KPNB1: variants seen among roughly 807,000 people sequenced by gnomAD.
KPNB1 encodes karyopherin subunit beta 1, also known as importin subunit beta-1.
A neutral mutation model predicts 113.0 loss-of-function variants in KPNB1; 7 were observed. The observed-to-expected ratio is 0.06, with a 90% CI of 0.04 to 0.12. The LOEUF (loss-of-function observed/expected upper bound fraction) is 0.12. KPNB1 is among the 10% of genes least tolerant of loss of function. The pLI, the probability that KPNB1 is intolerant of heterozygous loss-of-function variation, is 1.00. For synonymous variants in KPNB1, 363 were observed against 378.6 expected (o/e 0.96, Z 0.48); for missense variants, 400 against 1,054.8 (o/e 0.38, Z 8.60).
At chr17:47,650,313 G>A in intron 1 of KPNB1, 29 bp downstream of exon 1, 1 of 1,611,050 alleles carries the variant, frequency 6.2e-7, no homozygotes, top group Non-Finnish European at 8.5e-7. Flanking sequence ...GGGTAGGGCT[G>A]AGGTGATTGG....
chr17:47,683,110 A>AAC lies in KPNB1; in HGVS notation c.*707_*708insCA, dbSNP rs1555619982. ...AGATGTAAAAAAAAAAAAAAAAAAA[A>AAC]AAAAAAAAACACACACACAGAGGAA... is the stretch of plus-strand genomic sequence containing the variant. On this transcript the variant is annotated 3_prime_UTR_variant, in exon 22 of 22. Coordinates refer to ENST00000290158, the MANE Select transcript of KPNB1 (RefSeq NM_002265.6). 2.0e-5 allele frequency: 3 copies of AAC among 147,388 alleles called. No individual in the cohort carries two copies. The highest frequency in any genetic ancestry group is 3.0e-5 in the Non-Finnish European group (2 of 66,832). 9.1% of individuals were successfully genotyped at this position (147,388 alleles called of 1,614,324 possible). A position where few individuals can be genotyped will look rare whatever the true frequency, so the allele number is the denominator to read the frequency against.
rs1475980047 is a variant in KPNB1, at chr17:47,682,695, A to T, written c.*291A>T. 16 of 473,890 alleles carry T rather than the reference A, an allele frequency of 3.4e-5. No homozygotes were observed. The highest frequency in any genetic ancestry group is 1.5e-4 in the East Asian group (4 of 27,132). 29.4% of individuals were successfully genotyped at this position (473,890 alleles called of 1,614,324 possible). A position where few individuals can be genotyped will look rare whatever the true frequency, so the allele number is the denominator to read the frequency against. The stretch of plus-strand genomic sequence containing the variant: ...GTTACTTATTTAAAAAAAAAGAAAG[A>T]AAGTTATCTCTTCCCAGGAGAGGCT... On this transcript the variant is annotated 3_prime_UTR_variant, in exon 22 of 22. Coordinates refer to ENST00000290158, the MANE Select transcript of KPNB1 (RefSeq NM_002265.6).
At chr17:47,677,256 GC>G in intron 17 of KPNB1, 129 bp downstream of exon 17, 1 of 716,122 alleles carries the variant, frequency 1.4e-6, no homozygotes, top group Non-Finnish European at 2.3e-6. Flanking sequence ...GCCGAGGCAG[GC>G]CAGGAGTTCG....
chr17:47,662,799 C>G (rs1597928157), intron 6 of KPNB1, among the ~76,000 whole-genome samples: 4 of 152,148 alleles, frequency 2.6e-5, no homozygotes, highest in African/African-American at 9.6e-5. Flanking sequence ...ACGAGAATTG[C>G]TTGAATCGGG....
chr17:47,652,660 TA>T, intron 2 of KPNB1, 33 bp from the exon 3 acceptor site: 1 of 1,484,884 alleles, frequency 6.7e-7, no homozygotes, highest in African/African-American at 1.4e-5. Flanking sequence ...ATTCCTAAGA[TA>T]TTTTTATTTA....
Position 47,680,727 on chromosome 17 carries a change from T to G in KPNB1, c.2630+58T>G, listed in dbSNP as rs575924285. On this transcript the variant is annotated intron_variant, in intron 21 of 21. Transcript: ENST00000290158. ...TACTTCCTGGAGGAGGGGGGTATGT[T>G]TTCTTTAGGCCATTCTGGCAAGCAC... The G allele has an allele frequency of 1.3e-5, 20 of 1,541,614 alleles. No homozygotes were observed. The African/African-American group carries it at 2.2e-4, about 17-fold the overall frequency.
intron 2 of KPNB1, among the ~76,000 whole-genome samples, chr17:47,650,762 G>C (rs1168677885): frequency 6.6e-6 from 1 of 152,148 alleles, no homozygotes; most frequent in Non-Finnish European, 1.5e-5. Context: ...GTTGCGCGGC[G>C]CTGCGTGTTC....
intron 7 of KPNB1, 57 bp from the exon 8 acceptor site, chr17:47,664,102 G>C: frequency 9.3e-7 from 1 of 1,075,948 alleles, no homozygotes; most frequent in Non-Finnish European, 1.4e-6. Context: ...CCGGGTTGGG[G>C]CAGGGACTCA....
chr17:47,678,431 G>GAGTAGAAT lies in KPNB1; in HGVS notation c.2353+18_2353+19insAGTAGAAT. On this transcript the variant is annotated intron_variant, in intron 19 of 21. Coordinates refer to ENST00000290158, the MANE Select transcript of KPNB1 (RefSeq NM_002265.6). ...CGTACACCGTTGAGTATACAACCCA[G>GAGTAGAAT]TTCCCTTCGTCCGCTCGCCAATGTG... 2 of 1,577,070 alleles carry GAGTAGAAT rather than the reference G, an allele frequency of 1.3e-6. No homozygotes were observed. Among genetic ancestry groups the GAGTAGAAT allele is most frequent in the Non-Finnish European group, 1.7e-6 (2 of 1,146,644 alleles).
At chr17:47,665,319 C>T (rs1056493150) in intron 9 of KPNB1, among the ~76,000 whole-genome samples, 161 bp downstream of exon 9, 1 of 152,204 alleles carries the variant, frequency 6.6e-6, no homozygotes, top group Non-Finnish European at 1.5e-5. Flanking sequence ...ATCCCCTAGG[C>T]TCTGACTTCT....
chr17:47,678,184 G>A lies in KPNB1; in HGVS notation c.2242G>A (p.Asp748Asn). The A allele has an allele frequency of 6.2e-7, 1 of 1,614,178 alleles. No homozygotes were observed. The highest frequency in any genetic ancestry group is 1.7e-5 in the Admixed American group (1 of 60,022). The stretch of plus-strand genomic sequence containing the variant: ...TCAGCAGGCCTCCCAAGCCCAGGTG[G>A]ACAAGGTAAGCTTAAAGCTATCTTG... ...TLQQASQAQVDKSDYDMVDYL... is the reference protein window; with the variant it reads ...TLQQASQAQVNKSDYDMVDYL... Residue 748 changes from aspartate to asparagine, a missense_variant, in exon 18 of 22, where the codon GAC (aspartate) becomes AAC (asparagine). By Grantham distance (23) the Asp-to-Asn change is conservative (BLOSUM62 1). This residue lies in a region of KPNB1 where 115 missense variants were observed against 427.9 expected (regional missense o/e 0.27). Transcript: ENST00000290158.
chr17:47,661,886 AAT>A (rs1314312716), intron 6 of KPNB1, among the ~76,000 whole-genome samples: 2 of 152,178 alleles, frequency 1.3e-5, no homozygotes, highest in Non-Finnish European at 2.9e-5. Context: ...TCTACTAAAA[AAT>A]ATATATACAC....
At position 47,683,159 on chromosome 17, in the gene KPNB1, GT is replaced by G. The variant is rs560543684; in HGVS notation, c.*767del. 1,156 of 77,862 alleles carry G rather than the reference GT, an allele frequency of 0.015. 6 individuals are homozygous for G. The highest frequency in any genetic ancestry group is 0.02 in the Non-Finnish European group (774 of 38,596). The allele number at this position is 77,862 out of a possible 1,614,324, so 4.8% of individuals were successfully genotyped here. A position where few individuals can be genotyped will look rare whatever the true frequency, so the allele number is the denominator to read the frequency against. On this transcript the variant is annotated 3_prime_UTR_variant, in exon 22 of 22. Transcript: ENST00000290158. Reference sequence around the variant, plus strand: ...AAAGACGCTCTTTAGGTTTTGTTTTGTTTTTTTTTTTTGGTTTTGTTTTTTG... The same window carrying G: ...AAAGACGCTCTTTAGGTTTTGTTTTGTTTTTTTTTTTGGTTTTGTTTTTTG...
chr17:47,681,686 G>GTTTGTTTTTTTTTT (rs1567896578), intron 21 of KPNB1, among the ~76,000 whole-genome samples: 12 of 96,034 alleles, frequency 1.2e-4, no homozygotes, highest in Non-Finnish European at 1.5e-4. Context: ...GGAATTATAG[G>GTTTGTTTTTTTTTT]TTTTTTTTTT....
rs1278350618 is a variant in KPNB1 at position 47,682,694 on chromosome 17, G to A, written c.*290G>A. On this transcript the variant is annotated 3_prime_UTR_variant, in exon 22 of 22. Coordinates refer to ENST00000290158, the MANE Select transcript of KPNB1 (RefSeq NM_002265.6). Reference sequence around the variant, plus strand: ...AGTTACTTATTTAAAAAAAAAGAAAGAAAGTTATCTCTTCCCAGGAGAGGC... The same window carrying A: ...AGTTACTTATTTAAAAAAAAAGAAAAAAAGTTATCTCTTCCCAGGAGAGGC... The A allele has an allele frequency of 6.3e-6, 3 of 478,434 alleles. No individual in the cohort carries two copies. Among genetic ancestry groups the A allele is most frequent in the African/African-American group, 4.0e-5 (2 of 50,226 alleles). The allele number at this position is 478,434 out of a possible 1,614,324, so 29.6% of individuals were successfully genotyped here. A position where few individuals can be genotyped will look rare whatever the true frequency, so the allele number is the denominator to read the frequency against.
chr17:47,680,360 A>G, intron 20 of KPNB1, 148 bp from the exon 21 acceptor site: 1 of 903,598 alleles, frequency 1.1e-6, no homozygotes. Flanking sequence ...ATGTTGGTCA[A>G]CAATTGCCTC....
intron 10 of KPNB1, among the ~76,000 whole-genome samples, 175 bp from the exon 11 acceptor site, chr17:47,669,503 G>T (rs1055407027): frequency 5.3e-5 from 8 of 151,796 alleles, no homozygotes; most frequent in African/African-American, 1.9e-4. Context: ...CTGGAGTTTT[G>T]AAAGATATTT....
At chr17:47,656,351 C>G (rs1210448266) in intron 3 of KPNB1, among the ~76,000 whole-genome samples, 1 of 152,050 alleles carries the variant, frequency 6.6e-6, no homozygotes, top group Non-Finnish European at 1.5e-5. Flanking sequence ...TTGAGACCAG[C>G]CTGGGCAACA....
chr17:47,666,403 T>C (rs994478490), intron 9 of KPNB1, among the ~76,000 whole-genome samples: 34 of 145,518 alleles, frequency 2.3e-4, no homozygotes, highest in African/African-American at 8.2e-4. Flanking sequence ...TTTGTGTGTG[T>C]GTGTGTGTGT....
Sources: gnomAD v4.1 joint callset for allele counts (sites outside exome capture counted in the v4.1 genomes callset) on GRCh38, gnomAD v4.1.1 for gene constraint, gnomAD v4.1.1 regional missense constraint, MANE v1.5 for transcripts, NCBI Gene and HGNC (gene_info 2026-07-23, HGNC 2026-07-21) for gene names.